Variants in ITPR1 observed in about 807,000 individuals in gnomAD.
The protein encoded by ITPR1 is inositol 1,4,5-trisphosphate-gated calcium channel ITPR1.
ITPR1 carries 96 observed loss-of-function variants against 318.4 expected under a neutral mutation model. The observed-to-expected ratio is 0.30, with a 90% confidence interval of 0.26 to 0.36. The LOEUF is 0.36. ITPR1 is among the 10% of genes least tolerant of loss of function. The probability of loss-of-function intolerance (pLI) is 1.00; values close to 1 mark genes in which losing one functional copy is unlikely to be tolerated. For synonymous variants in ITPR1, 1,312 were observed against 1,289.9 expected, an observed-to-expected ratio of 1.02 and a Z score of -0.37; for missense variants, 2,440 against 3,460.2, an observed-to-expected ratio of 0.71 and a Z score of 7.40.
intron 4 of ITPR1, among the ~76,000 whole-genome samples, chr3:4,529,619 C>T (rs970132220): frequency 6.6e-6 from 1 of 152,172 alleles, no homozygotes; most frequent in African/African-American, 2.4e-5. Flanking sequence ...CAATCCTGTG[C>T]CAAAACTAGG....
intron 4 of ITPR1, among the ~76,000 whole-genome samples, chr3:4,594,576 G>A (rs9856060): frequency 0.21 from 31,176 of 151,974 alleles, 3,614 homozygotes; most frequent in East Asian, 0.4. Context: ...TCTCTTTATC[G>A]TAAGATGGCT....
intron 52 of ITPR1, among the ~76,000 whole-genome samples, chr3:4,794,040 A>G (rs1359125512): frequency 6.6e-6 from 1 of 152,164 alleles, no homozygotes; most frequent in Non-Finnish European, 1.5e-5. Context: ...AAAAAGAAAT[A>G]TACGATCGAG....
chr3:4,832,235 G>T (rs1351254428), intron 60 of ITPR1, among the ~76,000 whole-genome samples: 1 of 152,204 alleles, frequency 6.6e-6, no homozygotes, highest in Non-Finnish European at 1.5e-5. Context: ...GGGAGACTCT[G>T]TGTGGTGGTG....
intron 4 of ITPR1, among the ~76,000 whole-genome samples, chr3:4,529,937 G>A (rs1020563395): frequency 4.6e-5 from 7 of 152,164 alleles, no homozygotes; most frequent in South Asian, 2.1e-4. Context: ...CCAAGATCAC[G>A]TAGCTAGAAG....
At chr3:4,821,140 C>CTGA (rs1202831755) in intron 60 of ITPR1, among the ~76,000 whole-genome samples, 1 of 152,228 alleles carries the variant, frequency 6.6e-6, no homozygotes, top group Non-Finnish European at 1.5e-5. Context: ...GAAGGGACAG[C>CTGA]TGATGGGCAG....
Position 4,627,856 on chromosome 3 carries a change from C to G in ITPR1, c.257C>G (p.Ala86Gly). Residue 86 changes from alanine to glycine, a missense_variant, in exon 5 of 62, where the codon GCA (alanine) becomes GGA (glycine). Physicochemically the swap from Ala to Gly is moderately conservative, Grantham distance 60. Coordinates refer to ENST00000649015, the MANE Select transcript of ITPR1 (RefSeq NM_001378452.1). ...AKPGANSTTD[A>G]VLLNKLHHAA... ...CCTGGGGCCAACAGCACCACAGACG[C>G]AGTGCTACTCAACAAACTGCACGTA... 1.2e-6 allele frequency: 2 copies of G among 1,612,528 alleles called. No homozygotes were observed. The highest frequency in any genetic ancestry group is 8.5e-7 in the Non-Finnish European group (1 of 1,178,948).
intron 2 of ITPR1, among the ~76,000 whole-genome samples, chr3:4,498,234 C>T (rs2080752422): frequency 6.6e-6 from 1 of 152,126 alleles, no homozygotes; most frequent in Non-Finnish European, 1.5e-5. Flanking sequence ...AGCAACAAAA[C>T]ATGATGAGGG....
chr3:4,707,683 C>T (rs2094789123), intron 37 of ITPR1, among the ~76,000 whole-genome samples: 1 of 152,060 alleles, frequency 6.6e-6, no homozygotes, highest in East Asian at 1.9e-4. Flanking sequence ...TGTGGTATAG[C>T]CATCTTAGGA....
intron 13 of ITPR1, among the ~76,000 whole-genome samples, chr3:4,660,675 T>C (rs1296905664): frequency 6.6e-6 from 1 of 152,202 alleles, no homozygotes; most frequent in Non-Finnish European, 1.5e-5. Flanking sequence ...CACTAATATA[T>C]ACCCGTAAAT....
Position 4,795,127 on chromosome 3 carries a change from C to T in ITPR1, c.6871C>T (p.Leu2291=), listed in dbSNP as rs1159189671. The T allele has an allele frequency of 6.2e-7, 1 of 1,613,834 alleles. No individual in the cohort carries two copies. Among genetic ancestry groups the T allele is most frequent in the South Asian group, 1.1e-5 (1 of 91,032 alleles). ...TTTCTGGAGCAGCATTTCGTTTAAC[C>T]TGGCCGTCCTGATGAACCTGCTGGT... The part of the protein sequence containing the change: ...MSFWSSISFN[L]AVLMNLLVAF... The change falls in exon 53 of 62, where the codon CTG becomes TTG. Residue 2291 remains leucine, a synonymous_variant. Coordinates refer to ENST00000649015, the MANE Select transcript of ITPR1 (RefSeq NM_001378452.1).
chr3:4,757,845 G>C (rs573185167), intron 44 of ITPR1, among the ~76,000 whole-genome samples: 1 of 152,194 alleles, frequency 6.6e-6, no homozygotes, highest in Admixed American at 6.5e-5. Context: ...CACCACAGGT[G>C]TAGGAAGACA....
intron 4 of ITPR1, among the ~76,000 whole-genome samples, chr3:4,545,622 CAAAAAAAA>C (rs56829358): frequency 1.5e-5 from 1 of 68,738 alleles, no homozygotes; most frequent in African/African-American, 4.9e-5. Context: ...GACCCGGTCT[CAAAAAAAA>C]AAAAAAAAAA....
At chr3:4,661,235 A>T (rs942767118) in intron 14 of ITPR1, 148 bp downstream of exon 14, 67 of 531,638 alleles carry the variant, frequency 1.3e-4, no homozygotes, top group South Asian at 7.1e-4. Context: ...TGACAAAAGA[A>T]TACTCTCCAC....
chr3:4,580,064 G>T (rs1033147202), intron 4 of ITPR1, among the ~76,000 whole-genome samples: 3 of 152,022 alleles, frequency 2.0e-5, no homozygotes, highest in African/African-American at 2.4e-5. Context: ...CAAAAAATTA[G>T]CTGGGCGTAG....
Position 4,697,143 on chromosome 3 carries a change from G to T in ITPR1, c.4282-4G>T, listed in dbSNP as rs1344273360. The stretch of plus-strand genomic sequence containing the variant: ...TTTCAGAAAAGCTTCTTTCTATCTT[G>T]CAGGTTAAAATTGCATACATTAACT... On this transcript the variant is annotated splice_region_variant and splice_polypyrimidine_tract_variant and intron_variant, in intron 33 of 61. Transcript: ENST00000649015. 6.2e-7 allele frequency: 1 copy of T among 1,609,962 alleles called. No homozygotes were observed. The highest frequency in any genetic ancestry group is 1.7e-5 in the Admixed American group (1 of 59,540).
At chr3:4,837,894 C>T (rs1006923236) in intron 61 of ITPR1, among the ~76,000 whole-genome samples, 5 of 152,104 alleles carry the variant, frequency 3.3e-5, no homozygotes, top group Non-Finnish European at 7.4e-5. Flanking sequence ...TTTCTGAAAG[C>T]TCTTTAATCA....
chr3:4,677,849 C>T lies in ITPR1; in HGVS notation c.2967+1048C>T, dbSNP rs553085418. 7.6e-4 allele frequency among the ~76,000 whole-genome samples: 115 copies of T among 151,204 alleles called. 1 individual carries two copies. Among genetic ancestry groups the T allele is most frequent in the African/African-American group, 2.7e-3 (110 of 41,174 alleles). ...AGAGCAAAGTCCTTCTGTAGGCAAGCGGGGGTGGAATCTAGTATATAGGGA... is the reference window on the plus strand; with the variant it reads ...AGAGCAAAGTCCTTCTGTAGGCAAGTGGGGGTGGAATCTAGTATATAGGGA... On this transcript the variant is annotated intron_variant, in intron 24 of 61. Transcript: ENST00000649015.
At chr3:4,610,890 T>C (rs1275125907) in intron 4 of ITPR1, among the ~76,000 whole-genome samples, 2 of 110,882 alleles carry the variant, frequency 1.8e-5, no homozygotes, top group African/African-American at 3.5e-5. Context: ...TCTCTCCCCT[T>C]CCCCCTTCCC....
chr3:4,688,751 C>T (rs2094436315), intron 31 of ITPR1, 131 bp downstream of exon 31: 3 of 834,504 alleles, frequency 3.6e-6, no homozygotes, highest in East Asian at 2.7e-5. Context: ...CAAAGGGGAA[C>T]ATTTTCATCA....
Sources: allele counts gnomAD v4.1 joint callset (sites outside exome capture counted in the v4.1 genomes callset), GRCh38; gene constraint gnomAD v4.1.1; transcripts MANE v1.5; gene names NCBI Gene and HGNC (gene_info 2026-07-23, HGNC 2026-07-21).